The following SPATA6 variants were observed in gnomAD, a reference collection of about 807,000 sequenced individuals.
SPATA6 encodes the protein spermatogenesis associated 6, also known as spermatogenesis-associated protein 6.
A neutral mutation model predicts 65.3 loss-of-function variants in SPATA6; 56 were observed. The observed-to-expected ratio is 0.86, with a 90% confidence interval of 0.69 to 1.07. The LOEUF (loss-of-function observed/expected upper bound fraction) is 1.07. Among genes scored for constraint, SPATA6 ranks in the 50% least tolerant of loss-of-function variants. SPATA6 has a pLI of 0.00. For missense variants in SPATA6, 590 were observed against 594.8 expected, an observed-to-expected ratio of 0.99 and a Z score of 0.08; for synonymous variants, 199 against 213.2, an observed-to-expected ratio of 0.93 and a Z score of 0.58.
At chr1:48,303,475 T>C (rs867868666) in intron 12 of SPATA6, among the ~76,000 whole-genome samples, 3 of 152,246 alleles carry the variant, frequency 2.0e-5, no homozygotes, top group Admixed American at 6.5e-5. Flanking sequence ...ACTCTCCACT[T>C]CCATGAGATC....
At chr1:48,463,629 G>A (rs1014774260) in intron 1 of SPATA6, among the ~76,000 whole-genome samples, 2 of 152,098 alleles carry the variant, frequency 1.3e-5, no homozygotes, top group East Asian at 1.9e-4. Flanking sequence ...TCAGGATACC[G>A]ATTGGCCAAA....
chr1:48,270,921 T>G, the SPATA6 span, among the ~76,000 whole-genome samples: 1 of 152,150 alleles, frequency 6.6e-6, no homozygotes, highest in African/African-American at 2.4e-5. Flanking sequence ...AATACCCTAC[T>G]TATCATATTA....
chr1:48,468,938 C>T (rs1015269031), intron 1 of SPATA6, among the ~76,000 whole-genome samples: 14 of 152,186 alleles, frequency 9.2e-5, no homozygotes, highest in African/African-American at 3.1e-4. Flanking sequence ...GAACAATCTC[C>T]TTATTTTTTA....
At chr1:48,452,912 T>C (rs1656701527) in intron 2 of SPATA6, 82 bp downstream of exon 2, 2 of 1,470,364 alleles carry the variant, frequency 1.4e-6, no homozygotes, top group African/African-American at 2.9e-5. Context: ...GCAGTAATAA[T>C]TTGTGTTATA....
intron 11 of SPATA6, among the ~76,000 whole-genome samples, chr1:48,329,553 T>C (rs1387872907): frequency 1.3e-5 from 2 of 152,338 alleles, no homozygotes; most frequent in African/African-American, 2.4e-5. Context: ...GAGATACTTA[T>C]ATGCTTATAA....
chr1:48,300,597 C>T (rs1404982893), intron 12 of SPATA6, among the ~76,000 whole-genome samples: 2 of 151,876 alleles, frequency 1.3e-5, no homozygotes, highest in African/African-American at 4.8e-5. Flanking sequence ...CAAAACCAGA[C>T]AAAAACAACA....
At position 48,359,735 on chromosome 1, in the gene SPATA6, G is replaced by C; in HGVS notation, c.945C>G (p.Asp315Glu). 1 of 1,613,092 alleles carries C rather than the reference G, an allele frequency of 6.2e-7. No homozygotes were observed. The highest frequency in any genetic ancestry group is 1.1e-5 in the South Asian group (1 of 91,022). The part of the protein sequence containing the change: ...IRTPHGRDFD[D>E]SLEKCEEYLS... ...AATACTCTTCACATTTTTCTAAAGA[G>C]TCATCGAAGTCTCTCCCATGGGGTG... The change falls in exon 10 of 13, where the codon GAC becomes GAG. Residue 315 changes from aspartate to glutamate, a missense_variant. By Grantham distance (45) the Asp-to-Glu change is conservative. Transcript: ENST00000371847.
At chr1:48,348,773 T>A (rs563013824) in intron 11 of SPATA6, among the ~76,000 whole-genome samples, 2 of 152,116 alleles carry the variant, frequency 1.3e-5, no homozygotes, top group Admixed American at 1.3e-4. Flanking sequence ...TCTGAATCAA[T>A]CTATTTGTAT....
intron 2 of SPATA6, 136 bp from the exon 3 acceptor site, chr1:48,451,736 C>A: frequency 1.4e-6 from 1 of 710,418 alleles, no homozygotes; most frequent in Non-Finnish European, 2.2e-6. Context: ...CTCTCTCCTT[C>A]CCATCACTAC....
In SPATA6 at chr1:48,381,648, C is replaced by CTTT. The variant is rs36045284; in HGVS notation, c.909+3658_909+3660dup. Among the ~76,000 whole-genome samples the CTTT allele has an allele frequency of 1.0e-3, 113 of 112,372 alleles. 1 individual carries two copies. The highest frequency in any genetic ancestry group is 3.8e-3 in the South Asian group (13 of 3,466). The allele number at this position is 112,372 out of a possible 152,430, so 73.7% of individuals were successfully genotyped here. A position where few individuals can be genotyped will look rare whatever the true frequency, so the allele number is the denominator to read the frequency against. On this transcript the variant is annotated intron_variant, in intron 9 of 12. Coordinates refer to ENST00000371847, the MANE Select transcript of SPATA6 (RefSeq NM_019073.4). ...TATTTTAAGAAAAGCTATGGTTTTTCTTTTTTTTTTTTTTTATATGAATAG... is the reference window on the plus strand; with the variant it reads ...TATTTTAAGAAAAGCTATGGTTTTTCTTTTTTTTTTTTTTTTTTATATGAATAG...
chr1:48,400,994 G>T, intron 6 of SPATA6: 1 of 245,270 alleles, frequency 4.1e-6, no homozygotes, highest in Non-Finnish European at 7.4e-6. Flanking sequence ...ATCTTTCTAA[G>T]ACCTTGGAAT....
At chr1:48,317,430 A>C (rs1036550349) in intron 11 of SPATA6, among the ~76,000 whole-genome samples, 3 of 152,232 alleles carry the variant, frequency 2.0e-5, no homozygotes, top group Admixed American at 2.0e-4. Flanking sequence ...TGCAAGGACA[A>C]AAAACCAAAC....
At chr1:48,315,709 G>A (rs1013038592) in intron 11 of SPATA6, among the ~76,000 whole-genome samples, 11 of 152,286 alleles carry the variant, frequency 7.2e-5, no homozygotes, top group Admixed American at 7.2e-4. Context: ...GCAGGAGAAG[G>A]AAATAAAGGG....
intron 6 of SPATA6, chr1:48,400,819 T>C: frequency 7.7e-7 from 1 of 1,294,510 alleles, no homozygotes; most frequent in Non-Finnish European, 1.0e-6. Flanking sequence ...TAGTTCATGG[T>C]ATGCTTCTGG....
chr1:48,404,909 C>T (rs1229893732), intron 5 of SPATA6, among the ~76,000 whole-genome samples: 6 of 152,128 alleles, frequency 3.9e-5, no homozygotes, highest in African/African-American at 9.7e-5. Flanking sequence ...CACACAATTA[C>T]GCATTCACCA....
chr1:48,314,751 G>A (rs997552514), intron 11 of SPATA6, among the ~76,000 whole-genome samples: 1 of 152,082 alleles, frequency 6.6e-6, no homozygotes, highest in African/African-American at 2.4e-5. Flanking sequence ...ATGAATCCAG[G>A]AGCTGGTTTT....
intron 3 of SPATA6, among the ~76,000 whole-genome samples, chr1:48,447,706 T>C (rs1255235576): frequency 6.6e-6 from 1 of 152,106 alleles, no homozygotes; most frequent in African/African-American, 2.4e-5. Context: ...AATTATGTTC[T>C]CTCACCACAA....
chr1:48,397,695 GA>G (rs571750629), intron 7 of SPATA6, among the ~76,000 whole-genome samples: 29 of 151,344 alleles, frequency 1.9e-4, no homozygotes, highest in African/African-American at 6.8e-4. Flanking sequence ...GGCTATGGAG[GA>G]AAAAAAATCT....
At chr1:48,326,994 T>C (rs1427978476) in intron 11 of SPATA6, among the ~76,000 whole-genome samples, 4 of 151,834 alleles carry the variant, frequency 2.6e-5, no homozygotes, top group Non-Finnish European at 2.9e-5. Flanking sequence ...AAAACAAAAA[T>C]AGACAAATAG....
Sources: gnomAD v4.1 joint callset for allele counts (sites outside exome capture counted in the v4.1 genomes callset) on GRCh38, gnomAD v4.1.1 for gene constraint, MANE v1.5 for transcripts, NCBI Gene and HGNC (gene_info 2026-07-23, HGNC 2026-07-21) for gene names.